The following LIMS1 variants were observed in gnomAD, a reference collection of about 807,000 sequenced individuals.
LIMS1 encodes LIM and senescent cell antigen-like-containing domain protein 1.
LIMS1 carries 18 observed loss-of-function variants against 44.1 expected under a neutral mutation model. The observed-to-expected ratio is 0.41, with a 90% confidence interval of 0.28 to 0.61. The LOEUF (loss-of-function observed/expected upper bound fraction) is 0.61, where lower values mean the gene tolerates loss of function less well. Ranked by LOEUF, LIMS1 falls within the 20% of genes least tolerant of loss-of-function variation. The pLI is 0.32. For missense variants in LIMS1, 201 were observed against 422.0 expected, an observed-to-expected ratio of 0.48 and a Z score of 4.59; for synonymous variants, 93 against 149.1, an observed-to-expected ratio of 0.62 and a Z score of 2.74.
At chr2:108,674,862 C>T (rs531210480) in intron 5 of LIMS1, among the ~76,000 whole-genome samples, 162 of 150,824 alleles carry the variant, frequency 1.1e-3, no homozygotes, top group African/African-American at 3.9e-3. Context: ...CACCTCTGTC[C>T]ACTTTTCATT....
At chr2:108,624,339 T>C (rs556764041) in intron 1 of LIMS1, among the ~76,000 whole-genome samples, 33 of 152,248 alleles carry the variant, frequency 2.2e-4, no homozygotes, top group Non-Finnish European at 4.3e-4. Context: ...CCTGAGAAAT[T>C]CCTGCCCTTT....
chr2:108,586,307 A>G (rs1022324952), intron 1 of LIMS1, among the ~76,000 whole-genome samples: 4 of 152,312 alleles, frequency 2.6e-5, no homozygotes, highest in African/African-American at 9.6e-5. Flanking sequence ...CGTAGCAGAA[A>G]CTGGAGCCTA....
At chr2:108,607,054 G>A in intron 1 of LIMS1, 4 of 619,308 alleles carry the variant, frequency 6.5e-6, no homozygotes, top group Non-Finnish European at 1.1e-5. Context: ...ATTAGGAGGT[G>A]GAGCCTTTGG....
chr2:108,636,827 T>A (rs1689286998), intron 1 of LIMS1, among the ~76,000 whole-genome samples: 1 of 152,124 alleles, frequency 6.6e-6, no homozygotes, highest in South Asian at 2.1e-4. Context: ...GAGAGGAAGG[T>A]TGAGCACAGG....
intron 1 of LIMS1, among the ~76,000 whole-genome samples, chr2:108,544,980 TATC>T (rs1328052305): frequency 4.6e-5 from 7 of 152,356 alleles, no homozygotes; most frequent in African/African-American, 1.4e-4. Flanking sequence ...AATTCCTTGA[TATC>T]ATCAACTACA....
chr2:108,603,946 T>C (rs1235206252), intron 1 of LIMS1, among the ~76,000 whole-genome samples: 2 of 152,204 alleles, frequency 1.3e-5, no homozygotes, highest in African/African-American at 4.8e-5. Context: ...GAAGGGTTTT[T>C]TGTTGTTGAT....
intron 1 of LIMS1, among the ~76,000 whole-genome samples, chr2:108,578,629 TG>T (rs930008669): frequency 7.5e-6 from 1 of 133,528 alleles, no homozygotes; most frequent in African/African-American, 2.7e-5. Context: ...AGTCTCTCAC[TG>T]TGGCCCAGGC....
At chr2:108,621,703 G>A (rs1262867339) in intron 1 of LIMS1, among the ~76,000 whole-genome samples, 1 of 152,116 alleles carries the variant, frequency 6.6e-6, no homozygotes, top group African/African-American at 2.4e-5. Flanking sequence ...CAAACCTACA[G>A]TGTTGTTATG....
exon 4 of LIMS1, chr2:108,672,400 G>A: frequency 8.9e-7 from 1 of 1,126,526 alleles, no homozygotes; most frequent in Admixed American, 3.0e-5. Flanking sequence ...TGTGACCTCT[G>A]CCAGGAAGTT....
intron 1 of LIMS1, among the ~76,000 whole-genome samples, chr2:108,586,262 T>C (rs1686100418): frequency 6.6e-6 from 1 of 152,000 alleles, no homozygotes; most frequent in East Asian, 1.9e-4. Context: ...GCTGTGATGG[T>C]AGCTGGAGAG....
intron 1 of LIMS1, among the ~76,000 whole-genome samples, chr2:108,558,344 A>C (rs1416925652): frequency 6.6e-6 from 1 of 151,888 alleles, no homozygotes; most frequent in Non-Finnish European, 1.5e-5. Context: ...CAAACTCCCA[A>C]GTAGCTGGGA....
At chr2:108,578,544 A>G (rs1685756725) in intron 1 of LIMS1, among the ~76,000 whole-genome samples, 1 of 151,924 alleles carries the variant, frequency 6.6e-6, no homozygotes, top group African/African-American at 2.4e-5. Context: ...TTCCGTTATC[A>G]TAAGCTTAAG....
intron 1 of LIMS1, among the ~76,000 whole-genome samples, chr2:108,606,454 A>G (rs1687270412): frequency 6.6e-6 from 1 of 152,252 alleles, no homozygotes; most frequent in Non-Finnish European, 1.5e-5. Context: ...GGCGGATTTC[A>G]GTATATGTGC....
chr2:108,547,244 C>T (rs1388573537), intron 1 of LIMS1, among the ~76,000 whole-genome samples: 1 of 152,126 alleles, frequency 6.6e-6, no homozygotes, highest in East Asian at 1.9e-4. Context: ...GATAGTCAGG[C>T]AGGACATCCT....
chr2:108,533,855 T>A (rs1684007698), upstream of LIMS1: 1 of 152,548 alleles, frequency 6.6e-6, no homozygotes, highest in East Asian at 1.9e-4. Context: ...GCAGGCTCCA[T>A]GCGGAGCTCA....
At chr2:108,585,094 C>T (rs765542543) in intron 1 of LIMS1, among the ~76,000 whole-genome samples, 10 of 140,808 alleles carry the variant, frequency 7.1e-5, no homozygotes, top group Admixed American at 3.1e-4. Flanking sequence ...GAGGCTGCAA[C>T]GAGCTGAGAT....
At chr2:108,544,629 C>T (rs1303529408) in intron 1 of LIMS1, among the ~76,000 whole-genome samples, 4 of 151,754 alleles carry the variant, frequency 2.6e-5, no homozygotes, top group Non-Finnish European at 4.4e-5. Context: ...CAAGTAGCTG[C>T]GATTACAGGT....
intron 1 of LIMS1, among the ~76,000 whole-genome samples, chr2:108,625,912 G>A (rs1688544825): frequency 6.6e-6 from 1 of 152,230 alleles, no homozygotes. Context: ...CTCAGATCAT[G>A]TGTTCCTGAC....
upstream of LIMS1, chr2:108,534,303 C>G (rs1445727944): frequency 2.8e-3 from 524 of 186,374 alleles, 1 homozygote; most frequent in Non-Finnish European, 2.7e-3. Flanking sequence ...GCCTACCTCT[C>G]CAGTCCGCGC....
Sources: gnomAD v4.1 joint callset for allele counts (sites outside exome capture counted in the v4.1 genomes callset) on GRCh38, gnomAD v4.1.1 for gene constraint, MANE v1.5 for transcripts, NCBI Gene and HGNC (gene_info 2026-07-23, HGNC 2026-07-21) for gene names.